FSTL1: variants seen among roughly 807,000 people sequenced by gnomAD.
The protein encoded by FSTL1 is follistatin-related protein 1.
FSTL1 carries 24 observed loss-of-function variants against 45.9 expected under a neutral mutation model. That is an observed-to-expected ratio of 0.52 (90% CI 0.38 to 0.74). The LOEUF (loss-of-function observed/expected upper bound fraction) is 0.74. Ranked by LOEUF, FSTL1 falls within the 30% of genes least tolerant of loss-of-function variation. The pLI, the probability that FSTL1 is intolerant of heterozygous loss-of-function variation, is 0.00. For missense variants in FSTL1, 340 were observed against 381.8 expected, an observed-to-expected ratio of 0.89 and a Z score of 0.91; for synonymous variants, 120 against 137.6, an observed-to-expected ratio of 0.87 and a Z score of 0.89.
chr3:120,411,233 T>C (rs977417889), intron 4 of FSTL1: 2 of 394,954 alleles, frequency 5.1e-6, no homozygotes, highest in South Asian at 2.9e-5. Flanking sequence ...TCCTGTTGCA[T>C]TGAGGGGTCA....
Position 120,415,999 on chromosome 3 carries a change from C to T in FSTL1, c.92G>A (p.Cys31Tyr). The change falls in exon 3 of 11, where the codon TGT (cysteine) becomes TAT (tyrosine). Residue 31 changes from cysteine to tyrosine, a missense_variant. Transcript: ENST00000295633. ...GCCGGCTCCACAAAACACATTGGCA[C>T]AGATCTTGGATTTGCTCCTTAGCTC... ...EEELRSKSKI[C>Y]ANVFCGAGRE... is the part of the protein sequence containing the mutation. 2 of 1,613,890 alleles carry T rather than the reference C, an allele frequency of 1.2e-6. No individual in the cohort carries two copies. Among genetic ancestry groups the T allele is most frequent in the South Asian group, 2.2e-5 (2 of 91,080 alleles).
At position 120,426,645 on chromosome 3, in the gene FSTL1, A is replaced by G. The variant is rs1195241547; in HGVS notation, c.64-10618T>C. 4.6e-5 allele frequency among the ~76,000 whole-genome samples: 7 copies of G among 151,688 alleles called. No homozygotes were observed. In the East Asian group the frequency reaches 1.4e-3, roughly 29 times the overall value. ...ATCACTTCTGTGGCTGCTTTCCATT[A>G]CCCCAATTTGCACATGATTCCCCCT... On this transcript the variant is annotated intron_variant, in intron 2 of 10. Coordinates refer to ENST00000295633, the MANE Select transcript of FSTL1 (RefSeq NM_007085.5).
chr3:120,436,589 C>T (rs930725388), intron 2 of FSTL1, among the ~76,000 whole-genome samples: 2 of 152,236 alleles, frequency 1.3e-5, no homozygotes, highest in Admixed American at 1.3e-4. Context: ...AGAAAATCTG[C>T]ATCTCTGCAT....
intron 3 of FSTL1, among the ~76,000 whole-genome samples, chr3:120,415,584 T>C (rs2673704): frequency 0.75 from 114,132 of 152,118 alleles, 43,827 homozygotes; most frequent in African/African-American, 0.93. Context: ...GGAACATGTA[T>C]CAAATTGTTA....
Position 120,393,842 on chromosome 3 carries a change from T to C in FSTL1, c.*3110A>G, listed in dbSNP as rs1393360882. 6.6e-6 allele frequency: 1 copy of C among 152,176 alleles called. No homozygotes were observed. Among genetic ancestry groups the C allele is most frequent in the African/African-American group, 2.4e-5 (1 of 41,434 alleles). 9.4% of individuals were successfully genotyped at this position (152,176 alleles called of 1,614,324 possible). A position where few individuals can be genotyped will look rare whatever the true frequency, so the allele number is the denominator to read the frequency against. ...TATAAAAGAGGCCTAAGGGAGTTTGTTCACCCTTTTCACCATGTGGGGATG... is the reference window on the plus strand; with the variant it reads ...TATAAAAGAGGCCTAAGGGAGTTTGCTCACCCTTTTCACCATGTGGGGATG... On this transcript the variant is annotated 3_prime_UTR_variant, in exon 11 of 11. Coordinates refer to ENST00000295633, the MANE Select transcript of FSTL1 (RefSeq NM_007085.5).
intron 2 of FSTL1, among the ~76,000 whole-genome samples, chr3:120,417,602 C>CAT (rs1208231194): frequency 6.6e-6 from 1 of 152,190 alleles, no homozygotes; most frequent in Admixed American, 6.5e-5. Context: ...TTTTCCTAAA[C>CAT]AGAGAGTGGA....
intron 2 of FSTL1, among the ~76,000 whole-genome samples, chr3:120,437,603 G>C (rs539723213): frequency 6.6e-6 from 1 of 151,910 alleles, no homozygotes; most frequent in Admixed American, 6.6e-5. Flanking sequence ...TGTGTATTCT[G>C]TATGTACACA....
At chr3:120,411,134 C>A in intron 4 of FSTL1, 150 bp from the exon 5 acceptor site, 1 of 587,150 alleles carries the variant, frequency 1.7e-6, no homozygotes, top group Non-Finnish European at 3.1e-6. Context: ...TCCTTTCCTT[C>A]TTCTAGGGCC....
At chr3:120,409,436 C>T in intron 6 of FSTL1, 96 bp downstream of exon 6, 2 of 1,120,402 alleles carry the variant, frequency 1.8e-6, no homozygotes, top group Non-Finnish European at 2.6e-6. Context: ...TGCAGGTTTA[C>T]ATTTCCTGTG....
Position 120,416,142 on chromosome 3 carries a change from G to C in FSTL1, c.64-115C>G, listed in dbSNP as rs1937183931. On this transcript the variant is annotated intron_variant, in intron 2 of 10. Coordinates refer to ENST00000295633, the MANE Select transcript of FSTL1 (RefSeq NM_007085.5). ...CTTTGCTCTGGAGTCATGGCTCATG[G>C]TCTTAAACAGCTAGATGTTGGGTCT... is the stretch of plus-strand genomic sequence containing the variant. The C allele has an allele frequency of 6.4e-6, 5 of 783,250 alleles. No individual in the cohort carries two copies. In the Admixed American group the frequency reaches 9.5e-5, roughly 15 times the overall value. The allele number at this position is 783,250 out of a possible 1,614,324, so 48.5% of individuals were successfully genotyped here. A position where few individuals can be genotyped will look rare whatever the true frequency, so the allele number is the denominator to read the frequency against.
intron 2 of FSTL1, among the ~76,000 whole-genome samples, chr3:120,443,088 T>TAAA (rs1019444079): frequency 6.8e-6 from 1 of 147,308 alleles, no homozygotes; most frequent in Non-Finnish European, 1.5e-5. Flanking sequence ...AAACTTAAAG[T>TAAA]ATAATAATAA....
chr3:120,415,956 T>A lies in FSTL1; in HGVS notation c.135A>T (p.Thr45=). The A allele has an allele frequency of 6.2e-7, 1 of 1,613,760 alleles. No individual in the cohort carries two copies. The highest frequency in any genetic ancestry group is 8.5e-7 in the Non-Finnish European group (1 of 1,179,638). ...FCGAGRECAV[T]EKGEPTCLCI... is the part of the protein sequence containing the mutation. ...AGAGACAGGTGGGTTCCCCTTTCTC[T>A]GTGACTGCACATTCCCGGCCGGCTC... Residue 45 remains threonine (T), a synonymous_variant, in exon 3 of 11, where the codon ACA becomes ACT. Coordinates refer to ENST00000295633, the MANE Select transcript of FSTL1 (RefSeq NM_007085.5).
chr3:120,449,532 A>G (rs1937835237), intron 2 of FSTL1, among the ~76,000 whole-genome samples: 1 of 152,248 alleles, frequency 6.6e-6, no homozygotes, highest in South Asian at 2.1e-4. Flanking sequence ...AACATAGCAG[A>G]TATTTAATAA....
At chr3:120,407,867 C>A (rs1370675169) in intron 6 of FSTL1, among the ~76,000 whole-genome samples, 1 of 152,174 alleles carries the variant, frequency 6.6e-6, no homozygotes, top group Non-Finnish European at 1.5e-5. Flanking sequence ...TCCCAAAGGG[C>A]CTTATAGCTT....
chr3:120,400,885 G>A (rs1370585347), intron 9 of FSTL1, among the ~76,000 whole-genome samples: 2 of 152,202 alleles, frequency 1.3e-5, no homozygotes, highest in Non-Finnish European at 2.9e-5. Context: ...GTTGCTCCAT[G>A]TTATACCCAC....
chr3:120,402,844 A>G lies in FSTL1; in HGVS notation c.769T>C (p.Cys257Arg), dbSNP rs1936852680. ...ATGGCTGTACAGACCCAATTTCCAC[A>G]GGCACAGACACAGCGGTTACAGTCC... ...EVDCNRCVCA[C>R]GNWVCTAMTC... is the part of the protein sequence containing the mutation. Residue 257 changes from cysteine to arginine, a missense_variant, in exon 9 of 11, where the codon TGT (cysteine) becomes CGT (arginine). Transcript: ENST00000295633. The G allele has an allele frequency of 6.2e-7, 1 of 1,612,496 alleles. No homozygotes were observed. Among genetic ancestry groups the G allele is most frequent in the East Asian group, 2.2e-5 (1 of 44,860 alleles).
chr3:120,415,709 T>TA (rs1937175799), intron 3 of FSTL1: 1 of 481,150 alleles, frequency 2.1e-6, no homozygotes, highest in Non-Finnish European at 3.7e-6. Flanking sequence ...ATTTTTTAAT[T>TA]AAAAAATCTT....
At chr3:120,426,848 G>C (rs1937391027) in intron 2 of FSTL1, among the ~76,000 whole-genome samples, 1 of 152,140 alleles carries the variant, frequency 6.6e-6, no homozygotes, top group Non-Finnish European at 1.5e-5. Context: ...GTAGCCTCGA[G>C]ATCTGTGGGC....
intron 3 of FSTL1, among the ~76,000 whole-genome samples, chr3:120,414,204 C>T (rs997696647): frequency 6.6e-6 from 1 of 152,172 alleles, no homozygotes; most frequent in African/African-American, 2.4e-5. Context: ...GGCTGCCACC[C>T]CGTCTGGGAA....
Sources: gnomAD v4.1 joint callset for allele counts (sites outside exome capture counted in the v4.1 genomes callset) on GRCh38, gnomAD v4.1.1 for gene constraint, MANE v1.5 for transcripts, NCBI Gene and HGNC (gene_info 2026-07-23, HGNC 2026-07-21) for gene names.